Variants in ECE2 observed in about 807,000 individuals in gnomAD.
ECE2 encodes the protein endothelin-converting enzyme 2.
ECE2 carries 81 observed loss-of-function variants against 100.6 expected under a neutral mutation model. The observed-to-expected ratio is 0.81, with a 90% confidence interval of 0.67 to 0.97. The LOEUF is 0.97. Ranked by LOEUF, ECE2 falls within the 50% of genes least tolerant of loss-of-function variation. ECE2 has a pLI of 0.00. For missense variants in ECE2, 911 were observed against 988.1 expected (o/e 0.92, Z 1.05); for synonymous variants, 391 against 391.5 (o/e 1.00, Z 0.02).
intron 10 of ECE2, 128 bp from the exon 11 acceptor site, chr3:184,287,709 G>A (rs1320511304): frequency 2.3e-5 from 17 of 731,152 alleles, no homozygotes; most frequent in Non-Finnish European, 3.9e-5. Context: ...AAAGACAGAT[G>A]TGGCACTGAG....
intron 7 of ECE2, among the ~76,000 whole-genome samples, chr3:184,282,469 A>G (rs1335897908): frequency 1.3e-5 from 2 of 152,184 alleles, no homozygotes; most frequent in Non-Finnish European, 2.9e-5. Context: ...ATTGGCACAG[A>G]GCAGTGTTGA....
chr3:184,277,101 A>T, intron 3 of ECE2, 74 bp downstream of exon 3: 2 of 1,604,028 alleles, frequency 1.2e-6, no homozygotes, highest in South Asian at 2.2e-5. Context: ...TAAGATTTTC[A>T]CTTGTGGGAA....
chr3:184,280,311 G>A (rs956895693), intron 7 of ECE2, among the ~76,000 whole-genome samples: 3 of 152,186 alleles, frequency 2.0e-5, no homozygotes, highest in Admixed American at 1.3e-4. Flanking sequence ...TCCCTCATCC[G>A]TAAACAGGGG....
In ECE2 at chr3:184,292,766, AG is replaced by A. The variant is rs1243576773; in HGVS notation, c.*529del. 1 of 157,866 alleles carries A rather than the reference AG, an allele frequency of 6.3e-6. No homozygotes were observed. The highest frequency in any genetic ancestry group is 6.1e-5 in the Admixed American group (1 of 16,304). The allele number at this position is 157,866 out of a possible 1,614,324, so 9.8% of individuals were successfully genotyped here. A position where few individuals can be genotyped will look rare whatever the true frequency, so the allele number is the denominator to read the frequency against. On this transcript the variant is annotated 3_prime_UTR_variant, in exon 19 of 19. Coordinates refer to ENST00000404464, the MANE Select transcript of ECE2 (RefSeq NM_001100121.2). ...CTGCTGACCTTCACTGACAGCTCCT[AG>A]TGGAAGCCCAAGGGCCTCTGAAAGC...
intron 8 of ECE2, among the ~76,000 whole-genome samples, chr3:184,284,223 A>G (rs1035483595): frequency 6.6e-6 from 1 of 152,116 alleles, no homozygotes; most frequent in Non-Finnish European, 1.5e-5. Flanking sequence ...AAAAATGTGT[A>G]ACAGTTTGTA....
intron 10 of ECE2, among the ~76,000 whole-genome samples, chr3:184,287,466 C>A (rs957733683): frequency 6.6e-6 from 1 of 151,716 alleles, no homozygotes; most frequent in Non-Finnish European, 1.5e-5. Context: ...CCAAAGCGGG[C>A]AGATCACTTG....
intron 7 of ECE2, chr3:184,278,780 C>T (rs1720689428): frequency 1.7e-6 from 1 of 581,306 alleles, no homozygotes; most frequent in African/African-American, 1.9e-5. Context: ...GTTTCATAGA[C>T]ACCTACTGTG....
At chr3:184,283,219 T>G (rs1720878114) in intron 7 of ECE2, among the ~76,000 whole-genome samples, 1 of 152,150 alleles carries the variant, frequency 6.6e-6, no homozygotes, top group Non-Finnish European at 1.5e-5. Context: ...AATGCTCTGC[T>G]GGAACTCACC....
At chr3:184,283,711 G>A in intron 7 of ECE2, 74 bp from the exon 8 acceptor site, 2 of 1,475,532 alleles carry the variant, frequency 1.4e-6, no homozygotes, top group South Asian at 1.3e-5. Flanking sequence ...TTGGGCAGAG[G>A]TGGTGGTAAG....
intron 7 of ECE2, 85 bp downstream of exon 7, chr3:184,278,642 G>C: frequency 6.8e-7 from 1 of 1,468,078 alleles, no homozygotes; most frequent in Non-Finnish European, 9.5e-7. Context: ...CCAAGGGTCA[G>C]AGCAGGGAAG....
chr3:184,290,341 G>A lies in ECE2; in HGVS notation c.1638G>A (p.Lys546=). The change falls in exon 14 of 19, where the codon AAG becomes AAA. Residue 546 remains lysine (K), a synonymous_variant. Transcript: ENST00000404464. Reference sequence around the variant, plus strand: ...AGGTTATGGCTGACCAGCTCCGCAAGCCTCCCAGCCGAGACCAGTGAGAAT... The same window carrying A: ...AGGTTATGGCTGACCAGCTCCGCAAACCTCCCAGCCGAGACCAGTGAGAAT... The part of the protein sequence containing the change: ...SAKVMADQLR[K]PPSRDQWSMT... 1 of 1,613,942 alleles carries A rather than the reference G, an allele frequency of 6.2e-7. No individual in the cohort carries two copies. Among genetic ancestry groups the A allele is most frequent in the Non-Finnish European group, 8.5e-7 (1 of 1,179,986 alleles).
chr3:184,276,443 C>T, intron 1 of ECE2, 38 bp from the exon 2 acceptor site: 1 of 1,581,390 alleles, frequency 6.3e-7, no homozygotes, highest in Non-Finnish European at 8.6e-7. Flanking sequence ...ATAGCCCTCT[C>T]TGCCTGACCT....
In ECE2 at chr3:184,278,178, G is replaced by T; in HGVS notation, c.615G>T (p.Trp205Cys). Reference protein sequence around the residue: ...LRDLIEKIGGWNITGPWDQDN... With the variant: ...LRDLIEKIGGCNITGPWDQDN... ...TGGTCTCTACATAGATTGGTGGTTGGAACATTACGGGGCCCTGGGACCAGG... is the reference window on the plus strand; with the variant it reads ...TGGTCTCTACATAGATTGGTGGTTGTAACATTACGGGGCCCTGGGACCAGG... The change falls in exon 6 of 19, where the codon TGG becomes TGT. Residue 205 changes from tryptophan (W) to cysteine (C), a missense_variant. Physicochemically the swap from Trp to Cys is radical, Grantham distance 215. Coordinates refer to ENST00000404464, the MANE Select transcript of ECE2 (RefSeq NM_001100121.2). The T allele has an allele frequency of 6.2e-7, 1 of 1,614,112 alleles. No homozygotes were observed. Among genetic ancestry groups the T allele is most frequent in the Non-Finnish European group, 8.5e-7 (1 of 1,180,030 alleles).
At chr3:184,287,137 G>A (rs538610264) in intron 10 of ECE2, among the ~76,000 whole-genome samples, 2 of 151,930 alleles carry the variant, frequency 1.3e-5, no homozygotes, top group African/African-American at 4.8e-5. Flanking sequence ...TTAGCCGGGC[G>A]TGGTGGCGGG....
intron 1 of ECE2, 116 bp downstream of exon 1, chr3:184,276,308 G>T (rs1560179825): frequency 1.4e-6 from 2 of 1,390,554 alleles, no homozygotes; most frequent in Non-Finnish European, 1.9e-6. Flanking sequence ...CTGCCTCCCG[G>T]GCCTGGTGGA....
chr3:184,284,032 C>A, intron 8 of ECE2, 59 bp downstream of exon 8: 1 of 1,583,842 alleles, frequency 6.3e-7, no homozygotes. Flanking sequence ...ATGGACCACC[C>A]AGCTTCCCTC....
Position 184,289,731 on chromosome 3 carries a change from G to T in ECE2, c.1551+13G>T, listed in dbSNP as rs758952176. 55 of 1,605,334 alleles carry T rather than the reference G, an allele frequency of 3.4e-5. No homozygotes were observed. Among genetic ancestry groups the T allele is most frequent in the Non-Finnish European group, 4.7e-5 (55 of 1,175,476 alleles). The stretch of plus-strand genomic sequence containing the variant: ...TGTTTATGACGGGGTGAGTACCTAC[G>T]CTCATCAGTACTGAACTTCAGCCCT... On this transcript the variant is annotated intron_variant, in intron 13 of 18. Coordinates refer to ENST00000404464, the MANE Select transcript of ECE2 (RefSeq NM_001100121.2). This position sits in a 1 kb window ranked among gnomAD's most constrained non-coding sequence, Gnocchi z 4.1.
At position 184,292,247 on chromosome 3, in the gene ECE2, CA is replaced by C. The variant is rs1721366122; in HGVS notation, c.*10del. ...TGTGTGAGGTGTGGTAGACCTGGAT[CA>C]GGGGAGAAATGGCCAGCTGTCACCA... On this transcript the variant is annotated 3_prime_UTR_variant, in exon 19 of 19. Transcript: ENST00000404464. 4.3e-6 allele frequency: 7 copies of C among 1,613,678 alleles called. No individual in the cohort carries two copies. Among genetic ancestry groups the C allele is most frequent in the South Asian group, 2.2e-5 (2 of 91,064 alleles).
chr3:184,281,826 C>G (rs1720824673), intron 7 of ECE2, among the ~76,000 whole-genome samples: 2 of 152,356 alleles, frequency 1.3e-5, no homozygotes, highest in South Asian at 4.1e-4. Flanking sequence ...AGGCTGGGTG[C>G]AGTGGCTCAC....
Sources: allele counts gnomAD v4.1 joint callset (sites outside exome capture counted in the v4.1 genomes callset), GRCh38; gene constraint gnomAD v4.1.1; non-coding constraint Gnocchi (gnomAD v3.1); transcripts MANE v1.5; gene names NCBI Gene and HGNC (gene_info 2026-07-23, HGNC 2026-07-21).